The following GARRE1 variants were observed in gnomAD, a reference collection of about 807,000 sequenced individuals.
The protein encoded by GARRE1 is granule associated Rac and RHOG effector protein 1.
In GARRE1, 49 loss-of-function variants were observed where a neutral mutation model predicts 103.2. The ratio of observed to expected loss-of-function variants is 0.47; its 90% CI spans 0.38 to 0.60. The LOEUF is 0.60. GARRE1 is among the 20% of genes least tolerant of loss of function. GARRE1 has a pLI of 0.00. For synonymous variants in GARRE1, 505 were observed against 532.8 expected (o/e 0.95, Z 0.72); for missense variants, 1,199 against 1,370.5 (o/e 0.87, Z 1.98).
At chr19:34,304,860 C>T (rs12972199) in intron 2 of GARRE1, among the ~76,000 whole-genome samples, 65,380 of 151,282 alleles carry the variant, frequency 0.43, 17,068 homozygotes, top group Non-Finnish European at 0.59. Context: ...GGCGTGATCT[C>T]GGCTCACTGC....
At chr19:34,287,041 A>G (rs1305633085) in intron 1 of GARRE1, among the ~76,000 whole-genome samples, 1 of 150,632 alleles carries the variant, frequency 6.6e-6, no homozygotes, top group African/African-American at 2.4e-5. Context: ...CAGGAGGCTG[A>G]GGCAGGAGAA....
chr19:34,290,504 C>T (rs2073911719), intron 1 of GARRE1, among the ~76,000 whole-genome samples: 1 of 152,028 alleles, frequency 6.6e-6, no homozygotes, highest in African/African-American at 2.4e-5. Flanking sequence ...TTTTTTCTCT[C>T]TCTCTCTCTT....
At chr19:34,350,832 C>T (rs1342642534) in intron 12 of GARRE1, among the ~76,000 whole-genome samples, 2 of 152,078 alleles carry the variant, frequency 1.3e-5, no homozygotes, top group Admixed American at 6.5e-5. Context: ...CCACCTACCT[C>T]GGCCTCCCAA....
chr19:34,284,073 G>A (rs1248036628), intron 1 of GARRE1, among the ~76,000 whole-genome samples: 12 of 147,266 alleles, frequency 8.1e-5, no homozygotes, highest in African/African-American at 2.5e-5. Flanking sequence ...CTCGTGATCC[G>A]CCCGCCTCAG....
chr19:34,281,194 C>G (rs142231471), intron 1 of GARRE1, among the ~76,000 whole-genome samples: 1 of 152,322 alleles, frequency 6.6e-6, no homozygotes, highest in Non-Finnish European at 1.5e-5. Flanking sequence ...CATGTTGGCT[C>G]ACTGCAGCCT....
In GARRE1 at chr19:34,342,308, G is replaced by T; in HGVS notation, c.2374G>T (p.Gly792Cys). The change falls in exon 10 of 14, where the codon GGT (glycine) becomes TGT (cysteine). Residue 792 changes from glycine to cysteine, a missense_variant. Coordinates refer to ENST00000299505, the MANE Select transcript of GARRE1 (RefSeq NM_014686.5). ...SDLSSDLYSLGLVSSYMDNVM... is the reference protein window; with the variant it reads ...SDLSSDLYSLCLVSSYMDNVM... Reference sequence around the variant, plus strand: ...TCTCAGTTCTGACTTGTACAGCTTGGGTCTGGTGAGCAGCTATATGGATAA... The same window carrying T: ...TCTCAGTTCTGACTTGTACAGCTTGTGTCTGGTGAGCAGCTATATGGATAA... 1.2e-6 allele frequency: 2 copies of T among 1,614,142 alleles called. No homozygotes were observed. The highest frequency in any genetic ancestry group is 1.7e-6 in the Non-Finnish European group (2 of 1,180,038).
chr19:34,258,836 G>A (rs187781756), intron 1 of GARRE1, among the ~76,000 whole-genome samples: 1 of 152,044 alleles, frequency 6.6e-6, no homozygotes, highest in East Asian at 1.9e-4. Flanking sequence ...AGGACAAGGT[G>A]AGAGGATTAC....
intron 2 of GARRE1, among the ~76,000 whole-genome samples, chr19:34,314,931 G>A (rs768915138): frequency 2.0e-5 from 3 of 152,070 alleles, no homozygotes; most frequent in East Asian, 1.9e-4. Flanking sequence ...GTAATGACTC[G>A]AATGATCATC....
intron 2 of GARRE1, among the ~76,000 whole-genome samples, chr19:34,319,204 T>C (rs1374923772): frequency 6.6e-6 from 1 of 152,172 alleles, no homozygotes; most frequent in Non-Finnish European, 1.5e-5. Flanking sequence ...ATACATCTTA[T>C]TATAATTACA....
intron 2 of GARRE1, among the ~76,000 whole-genome samples, chr19:34,314,153 C>T (rs1189204694): frequency 1.3e-5 from 2 of 152,086 alleles, no homozygotes; most frequent in Admixed American, 6.6e-5. Flanking sequence ...AACGTGGACT[C>T]AGTTATCTTG....
intron 7 of GARRE1, among the ~76,000 whole-genome samples, chr19:34,332,244 C>A (rs766660159): frequency 2.0e-5 from 3 of 151,680 alleles, no homozygotes; most frequent in Non-Finnish European, 4.4e-5. Flanking sequence ...GGGATCTTTT[C>A]CTCAGTATAG....
In GARRE1 at chr19:34,299,706, A is replaced by G. The variant is rs1478343791; in HGVS notation, c.-768A>G. ...AAGGACTTAGAAGCCTTACAAATAC[A>G]TCTGTGCATTCTTGCTTCAGACTTT... On this transcript the variant is annotated 5_prime_UTR_variant, in exon 2 of 14. Coordinates refer to ENST00000299505, the MANE Select transcript of GARRE1 (RefSeq NM_014686.5). The G allele has an allele frequency of 6.6e-6, 1 of 152,210 alleles. No homozygotes were observed. The highest frequency in any genetic ancestry group is 1.5e-5 in the Non-Finnish European group (1 of 68,042). 9.4% of individuals were successfully genotyped at this position (152,210 alleles called of 1,614,324 possible). A position where few individuals can be genotyped will look rare whatever the true frequency, so the allele number is the denominator to read the frequency against.
rs532847105 is a variant in GARRE1, at chr19:34,340,731, C to T, written c.1488-691C>T. Among the ~76,000 whole-genome samples the T allele has an allele frequency of 7.2e-5, 11 of 152,202 alleles. 1 individual carries two copies. The South Asian group carries it at 2.3e-3, about 32-fold the overall frequency. On this transcript the variant is annotated intron_variant, in intron 9 of 13. Transcript: ENST00000299505. ...GAAGATGGGGTTTCGCTGTGTTGGC[C>T]AGGCTGGTATCAAACTCCTGACCTC...
intron 8 of GARRE1, among the ~76,000 whole-genome samples, chr19:34,338,472 G>A (rs1384270547): frequency 6.6e-6 from 1 of 152,164 alleles, no homozygotes; most frequent in African/African-American, 2.4e-5. Flanking sequence ...AGGAGGTCGA[G>A]GATAACAGTG....
Position 34,352,986 on chromosome 19 carries a change from G to A in GARRE1, c.*31G>A. 6.7e-7 allele frequency: 1 copy of A among 1,487,268 alleles called. No homozygotes were observed. Among genetic ancestry groups the A allele is most frequent in the Non-Finnish European group, 9.0e-7 (1 of 1,112,732 alleles). The allele number at this position is 1,487,268 out of a possible 1,614,324, so 92.1% of individuals were successfully genotyped here. The stretch of plus-strand genomic sequence containing the variant: ...GGCCAGCCAGCCTGCCTGCCTGCCT[G>A]CCTGCCCGCCCAGAGCTGTGGGGAT... On this transcript the variant is annotated 3_prime_UTR_variant, in exon 14 of 14. Coordinates refer to ENST00000299505, the MANE Select transcript of GARRE1 (RefSeq NM_014686.5).
intron 8 of GARRE1, among the ~76,000 whole-genome samples, chr19:34,335,444 A>G (rs923170259): frequency 1.3e-5 from 2 of 152,244 alleles, no homozygotes; most frequent in Admixed American, 6.5e-5. Context: ...GTAGGCAGAG[A>G]TACTAAGGAA....
chr19:34,285,299 A>G (rs1019460821), intron 1 of GARRE1: 3 of 152,048 alleles, frequency 2.0e-5, no homozygotes, highest in African/African-American at 7.2e-5. Context: ...TTCTCTGTAC[A>G]TTGTTTCTTG....
intron 1 of GARRE1, among the ~76,000 whole-genome samples, chr19:34,255,601 G>C (rs908044456): frequency 6.6e-6 from 1 of 151,638 alleles, no homozygotes. Context: ...TTTAACCACC[G>C]ATGAGCATTG....
At position 34,347,880 on chromosome 19, in the gene GARRE1, G is replaced by A; in HGVS notation, c.2525G>A (p.Gly842Asp). ...GEILPFDPAVGSDPEFARYVA... is the reference protein window; with the variant it reads ...GEILPFDPAVDSDPEFARYVA... ...TTATTCCTTTGTCCCAATGCAGTGG[G>A]CTCAGACCCAGAGTTTGCACGCTAT... The change falls in exon 11 of 14, where the codon GGC (glycine) becomes GAC (aspartate). Residue 842 changes from glycine (G) to aspartate (D), a missense_variant. Coordinates refer to ENST00000299505, the MANE Select transcript of GARRE1 (RefSeq NM_014686.5). The A allele has an allele frequency of 6.4e-7, 1 of 1,552,872 alleles. No individual in the cohort carries two copies. Among genetic ancestry groups the A allele is most frequent in the Non-Finnish European group, 8.7e-7 (1 of 1,144,844 alleles).
Sources: gnomAD v4.1 joint callset for allele counts (sites outside exome capture counted in the v4.1 genomes callset) on GRCh38, gnomAD v4.1.1 for gene constraint, MANE v1.5 for transcripts, NCBI Gene and HGNC (gene_info 2026-07-23, HGNC 2026-07-21) for gene names.